Variants in SASH1 observed in about 807,000 individuals in gnomAD.
SASH1 encodes SAM and SH3 domain-containing protein 1.
SASH1 carries 44 observed loss-of-function variants against 125.2 expected under a neutral mutation model. The ratio of observed to expected loss-of-function variants is 0.35; its 90% CI spans 0.28 to 0.45. The LOEUF (loss-of-function observed/expected upper bound fraction) is 0.45, where lower values mean the gene tolerates loss of function less well. Ranked by LOEUF, SASH1 falls within the 20% of genes least tolerant of loss-of-function variation. SASH1 has a pLI of 1.00. For missense variants in SASH1, 1,426 were observed against 1,614.5 expected (o/e 0.88, Z 2.00); for synonymous variants, 639 against 649.1 (o/e 0.98, Z 0.24).
chr6:148,223,225 T>A, the SASH1 span, among the ~76,000 whole-genome samples: 3 of 152,194 alleles, frequency 2.0e-5, no homozygotes. Context: ...TAGGTGGGCC[T>A]CCAATCTCAG....
At chr6:148,482,688 A>ATTTTTTTTTTTTTTTTTTT (rs200708826) in intron 7 of SASH1, among the ~76,000 whole-genome samples, 1 of 99,920 alleles carries the variant, frequency 1.0e-5, no homozygotes, top group African/African-American at 4.4e-5. Flanking sequence ...CACCTGGCTA[A>ATTTTTTTTTTTTTTTTTTT]TTTTTTTTTT....
intron 7 of SASH1, among the ~76,000 whole-genome samples, chr6:148,482,281 A>G (rs1778660324): frequency 6.6e-6 from 1 of 152,188 alleles, no homozygotes; most frequent in South Asian, 2.1e-4. Context: ...TCTATATGAA[A>G]TTGAGAGAGA....
upstream of SASH1, among the ~76,000 whole-genome samples, chr6:148,340,503 A>G (rs1230549294): frequency 1.3e-5 from 2 of 152,084 alleles, no homozygotes; most frequent in African/African-American, 2.4e-5. Flanking sequence ...AAAAAAAAAA[A>G]AAAGTATCAC....
intron 1 of SASH1, among the ~76,000 whole-genome samples, chr6:148,337,027 T>G (rs1249869369): frequency 6.6e-6 from 1 of 152,182 alleles, no homozygotes; most frequent in African/African-American, 2.4e-5. Context: ...GCTTTTAAAC[T>G]TTTGTAATTC....
chr6:148,431,203 GA>G (rs1281647442), intron 2 of SASH1, among the ~76,000 whole-genome samples: 1 of 151,292 alleles, frequency 6.6e-6, no homozygotes, highest in African/African-American at 2.4e-5. Context: ...TAAGACAATA[GA>G]TTTTTTTTTT....
At chr6:148,327,080 T>C (rs1214860592) in intron 1 of SASH1, among the ~76,000 whole-genome samples, 3 of 152,148 alleles carry the variant, frequency 2.0e-5, no homozygotes, top group Admixed American at 6.6e-5. Context: ...CTCACCAATA[T>C]TGGCCATTCT....
Position 148,495,563 on chromosome 6 carries a change from C to G in SASH1, c.729+7848C>G, listed in dbSNP as rs1045649996. 1.3e-5 allele frequency among the ~76,000 whole-genome samples: 2 copies of G among 152,138 alleles called. No individual in the cohort carries two copies. Among genetic ancestry groups the G allele is most frequent in the African/African-American group, 4.8e-5 (2 of 41,408 alleles). ...TATAAACCTATATCATTAGCTTCAT[C>G]ATGTGGAAAAGTCTGACCGCAAAGA... On this transcript the variant is annotated intron_variant, in intron 8 of 19. Transcript: ENST00000367467. This position sits in a 1 kb window ranked among gnomAD's most constrained non-coding sequence, Gnocchi z 4.0.
chr6:148,448,138 G>GTGTGTGTGTGTGTGTGTGTT (rs1554258627), intron 4 of SASH1, among the ~76,000 whole-genome samples: 1 of 150,558 alleles, frequency 6.6e-6, no homozygotes, highest in Non-Finnish European at 1.5e-5. Flanking sequence ...GTGTGTGTGT[G>GTGTGTGTGTGTGTGTGTGTT]TATGTGTGTG....
intron 2 of SASH1, among the ~76,000 whole-genome samples, chr6:148,391,963 A>G (rs1214322863): frequency 1.3e-5 from 2 of 152,160 alleles, no homozygotes; most frequent in Non-Finnish European, 2.9e-5. Flanking sequence ...TGTTTTAAGT[A>G]ACAGAGTTCC....
chr6:148,467,088 C>CTTTTTTTTTTTTTTTTTTT (rs71004298), intron 4 of SASH1, among the ~76,000 whole-genome samples: 1 of 69,938 alleles, frequency 1.4e-5, no homozygotes, highest in Non-Finnish European at 2.4e-5. Flanking sequence ...TTCCCTGTTC[C>CTTTTTTTTTTTTTTTTTTT]TTTTTTTTTT....
At chr6:148,373,098 G>A (rs539936431) in intron 1 of SASH1, among the ~76,000 whole-genome samples, 39 of 152,244 alleles carry the variant, frequency 2.6e-4, no homozygotes, top group Admixed American at 4.6e-4. Context: ...GGCTGAGGCA[G>A]GAGAATTGCT....
the SASH1 span, among the ~76,000 whole-genome samples, chr6:148,262,401 C>G: frequency 6.6e-6 from 1 of 152,140 alleles, no homozygotes; most frequent in Non-Finnish European, 1.5e-5. Flanking sequence ...ATTGAGGACA[C>G]AGACAGGTGT....
At chr6:148,427,793 G>C (rs1455184709) in intron 2 of SASH1, among the ~76,000 whole-genome samples, 1 of 152,192 alleles carries the variant, frequency 6.6e-6, no homozygotes, top group Non-Finnish European at 1.5e-5. Context: ...ACTGATTTCT[G>C]TTCCTGCCCT....
At chr6:148,237,139 C>A in the SASH1 span, among the ~76,000 whole-genome samples, 1 of 152,050 alleles carries the variant, frequency 6.6e-6, no homozygotes, top group Non-Finnish European at 1.5e-5. Context: ...AAACAAGGAC[C>A]CCCTGGCCAA....
intron 1 of SASH1, among the ~76,000 whole-genome samples, chr6:148,312,429 G>A (rs1424491315): frequency 6.6e-6 from 1 of 152,150 alleles, no homozygotes; most frequent in Non-Finnish European, 1.5e-5. Context: ...GATTGCTTGA[G>A]CCTAGGAGTT....
At position 148,487,112 on chromosome 6, in the gene SASH1, CAT is replaced by C. The variant is rs370037960; in HGVS notation, c.628-485_628-484del. ...ATATATACACACACACACACACACA[CAT>C]ATATATATATATATATGTGTATGTT... is the stretch of plus-strand genomic sequence containing the variant. On this transcript the variant is annotated intron_variant, in intron 7 of 19. Coordinates refer to ENST00000367467, the MANE Select transcript of SASH1 (RefSeq NM_015278.5). 7.0e-3 allele frequency among the ~76,000 whole-genome samples: 839 copies of C among 120,590 alleles called. 7 individuals carry two copies. Among genetic ancestry groups the C allele is most frequent in the East Asian group, 0.011 (49 of 4,352 alleles). 79.1% of individuals were successfully genotyped at this position (120,590 alleles called of 152,430 possible). A position where few individuals can be genotyped will look rare whatever the true frequency, so the allele number is the denominator to read the frequency against.
intron 1 of SASH1, among the ~76,000 whole-genome samples, chr6:148,318,613 CAT>C (rs1780545688): frequency 7.8e-6 from 1 of 129,010 alleles, no homozygotes; most frequent in East Asian, 4.1e-4. Context: ...AGTGCAATGG[CAT>C]GATCTTGGCT....
chr6:148,325,288 G>GTTGTTGTTGTTGTTT (rs1780767368), intron 1 of SASH1, among the ~76,000 whole-genome samples: 1 of 151,766 alleles, frequency 6.6e-6, no homozygotes, highest in Non-Finnish European at 1.5e-5. Context: ...TGTTGTTGTT[G>GTTGTTGTTGTTGTTT]TTTTTGAGAC....
intron 1 of SASH1, among the ~76,000 whole-genome samples, chr6:148,304,399 C>A (rs868513135): frequency 6.2e-4 from 93 of 150,144 alleles, no homozygotes; most frequent in African/African-American, 2.1e-3. Context: ...CGCGCCACTG[C>A]ACTCCAGCCT....
Sources: gnomAD v4.1 joint callset for allele counts (sites outside exome capture counted in the v4.1 genomes callset) on GRCh38, gnomAD v4.1.1 for gene constraint, Gnocchi (gnomAD v3.1) non-coding constraint, MANE v1.5 for transcripts, NCBI Gene and HGNC (gene_info 2026-07-23, HGNC 2026-07-21) for gene names.